RAD51B: variants seen among roughly 807,000 people sequenced by gnomAD.
The protein encoded by RAD51B is DNA repair protein RAD51 homolog 2.
Under a neutral mutation model 42.2 loss-of-function variants are expected in RAD51B, and 38 were observed. The observed-to-expected ratio is 0.90, with a 90% CI of 0.70 to 1.18. The LOEUF (loss-of-function observed/expected upper bound fraction) is 1.18. Among genes scored for constraint, RAD51B ranks in the 50% most tolerant of loss-of-function variants. The probability of loss-of-function intolerance (pLI) is 0.00; values close to 1 mark genes in which losing one functional copy is unlikely to be tolerated. For missense variants in RAD51B, 373 were observed against 400.7 expected, an observed-to-expected ratio of 0.93 and a Z score of 0.59; for synonymous variants, 154 against 145.2, an observed-to-expected ratio of 1.06 and a Z score of -0.43.
At chr14:68,570,627 C>A (rs987200484) in intron 10 of RAD51B, among the ~76,000 whole-genome samples, 2 of 152,220 alleles carry the variant, frequency 1.3e-5, no homozygotes, top group Non-Finnish European at 2.9e-5. Context: ...GTGCCCTTGG[C>A]AGCCTGCTGT....
intron 10 of RAD51B, among the ~76,000 whole-genome samples, chr14:68,642,316 C>A (rs1892479489): frequency 6.6e-6 from 1 of 152,136 alleles, no homozygotes; most frequent in African/African-American, 2.4e-5. Flanking sequence ...TCTATTTCTT[C>A]TTGTATGAGT....
intron 7 of RAD51B, among the ~76,000 whole-genome samples, chr14:68,101,986 G>T (rs1372450064): frequency 6.6e-6 from 1 of 152,180 alleles, no homozygotes; most frequent in Non-Finnish European, 1.5e-5. Flanking sequence ...CTTGTCTTCT[G>T]TGCATCCATA....
chr14:68,018,461 A>G (rs999595726), intron 7 of RAD51B, among the ~76,000 whole-genome samples: 5 of 152,200 alleles, frequency 3.3e-5, no homozygotes, highest in African/African-American at 1.2e-4. Context: ...CTTCTATTTT[A>G]AGGTTGTAAT....
chr14:68,388,196 C>G (rs1486860904), intron 8 of RAD51B, among the ~76,000 whole-genome samples: 1 of 151,494 alleles, frequency 6.6e-6, no homozygotes, highest in African/African-American at 2.4e-5. Flanking sequence ...CTGGTTCAAG[C>G]GATTCTCCCA....
At chr14:67,942,216 G>A (rs1595142293) in intron 7 of RAD51B, among the ~76,000 whole-genome samples, 2 of 152,172 alleles carry the variant, frequency 1.3e-5, no homozygotes, top group African/African-American at 4.8e-5. Context: ...ATGAGGCAGT[G>A]TGCTTGGATG....
At chr14:68,666,472 G>C (rs1278370940) in intron 11 of RAD51B, among the ~76,000 whole-genome samples, 1 of 152,206 alleles carries the variant, frequency 6.6e-6, no homozygotes, top group Non-Finnish European at 1.5e-5. Context: ...ATTGCTCAGG[G>C]GCACAGACAG....
chr14:68,381,925 A>C (rs955513444), intron 8 of RAD51B, among the ~76,000 whole-genome samples: 47 of 152,138 alleles, frequency 3.1e-4, no homozygotes, highest in Non-Finnish European at 5.9e-4. Flanking sequence ...CTATCACTCC[A>C]CCTGTGCTTA....
intron 7 of RAD51B, among the ~76,000 whole-genome samples, chr14:68,087,135 CAAA>C (rs1347014384): frequency 4.0e-5 from 5 of 124,254 alleles, no homozygotes; most frequent in Non-Finnish European, 5.2e-5. Context: ...AACGCCATCT[CAAA>C]AAAAAAAAAA....
At chr14:68,314,227 A>G (rs1447760449) in intron 8 of RAD51B, among the ~76,000 whole-genome samples, 1 of 152,052 alleles carries the variant, frequency 6.6e-6, no homozygotes, top group African/African-American at 2.4e-5. Context: ...ATAAAAGGAC[A>G]CTTCCACTGC....
At chr14:68,292,192 T>G (rs904120186) in intron 8 of RAD51B, among the ~76,000 whole-genome samples, 1 of 152,206 alleles carries the variant, frequency 6.6e-6, no homozygotes, top group African/African-American at 2.4e-5. Context: ...GGAGCTCCAT[T>G]TGGAGGCCAG....
chr14:68,514,823 A>G (rs1886017928), intron 10 of RAD51B, among the ~76,000 whole-genome samples: 1 of 152,234 alleles, frequency 6.6e-6, no homozygotes, highest in Non-Finnish European at 1.5e-5. Context: ...CCTGCTAGGA[A>G]TTCTAGACCT....
At chr14:68,472,444 C>A (rs1227220128) in intron 10 of RAD51B, among the ~76,000 whole-genome samples, 2 of 152,156 alleles carry the variant, frequency 1.3e-5, no homozygotes, top group Non-Finnish European at 1.5e-5. Flanking sequence ...CACCTGCGGA[C>A]TTGGTGAAAC....
chr14:68,342,445 A>G (rs2082589873), intron 8 of RAD51B, among the ~76,000 whole-genome samples: 1 of 152,206 alleles, frequency 6.6e-6, no homozygotes, highest in African/African-American at 2.4e-5. Context: ...ATAAGGAAGC[A>G]CTTCGCACAT....
At chr14:68,198,420 A>G (rs1199193360) in intron 7 of RAD51B, among the ~76,000 whole-genome samples, 3 of 152,138 alleles carry the variant, frequency 2.0e-5, no homozygotes, top group Non-Finnish European at 4.4e-5. Flanking sequence ...TTTTTTTGGT[A>G]TAAATATTTT....
Position 67,825,581 on chromosome 14 carries a change from T to G in RAD51B, c.198+4T>G. On this transcript the variant is annotated splice_donor_region_variant and intron_variant, in intron 3 of 10. Transcript: ENST00000471583. ...CTGTGCCCCAAAGATGCAAACGGTA[T>G]ATTTATATTTTATTATGATTTGATT... is the stretch of plus-strand genomic sequence containing the variant. 6.4e-7 allele frequency: 1 copy of G among 1,566,802 alleles called. No homozygotes were observed. The highest frequency in any genetic ancestry group is 8.7e-7 in the Non-Finnish European group (1 of 1,149,278).
intron 7 of RAD51B, among the ~76,000 whole-genome samples, chr14:68,064,355 C>G (rs1409193550): frequency 6.6e-6 from 1 of 152,096 alleles, no homozygotes; most frequent in Non-Finnish European, 1.5e-5. Context: ...TGACCTGATG[C>G]TTTTCCTATG....
intron 8 of RAD51B, among the ~76,000 whole-genome samples, chr14:68,308,358 A>G (rs1345000499): frequency 1.3e-5 from 2 of 152,146 alleles, no homozygotes; most frequent in Non-Finnish European, 2.9e-5. Context: ...AACCAGTGGC[A>G]TGAGTATTTT....
intron 7 of RAD51B, among the ~76,000 whole-genome samples, chr14:67,981,205 T>TACTGCAATACCACATCAA (rs1048195025): frequency 3.3e-5 from 5 of 152,168 alleles, no homozygotes; most frequent in Admixed American, 2.0e-4. Context: ...ATGAAAAGTG[T>TACTGCAATACCACATCAA]ACTGCAATAC....
At chr14:68,102,265 A>T (rs567350962) in intron 7 of RAD51B, among the ~76,000 whole-genome samples, 5 of 152,322 alleles carry the variant, frequency 3.3e-5, no homozygotes, top group East Asian at 1.9e-4. Flanking sequence ...TGTCTTGGCA[A>T]GTAACATTTG....
Sources: allele counts gnomAD v4.1 joint callset (sites outside exome capture counted in the v4.1 genomes callset), GRCh38; gene constraint gnomAD v4.1.1; transcripts MANE v1.5; gene names NCBI Gene and HGNC (gene_info 2026-07-23, HGNC 2026-07-21).